LRP10: variants seen among roughly 807,000 people sequenced by gnomAD.
The protein encoded by LRP10 is low-density lipoprotein receptor-related protein 10.
LRP10 carries 42 observed loss-of-function variants against 58.5 expected under a neutral mutation model. The observed-to-expected ratio is 0.72, with a 90% CI of 0.56 to 0.93. The LOEUF (loss-of-function observed/expected upper bound fraction) is 0.93. Among genes scored for constraint, LRP10 ranks in the 40% least tolerant of loss-of-function variants. LRP10 has a pLI of 0.00. For synonymous variants in LRP10, 377 were observed against 388.5 expected (o/e 0.97, Z 0.35); for missense variants, 872 against 940.1 (o/e 0.93, Z 0.95).
Position 22,876,045 on chromosome 14 carries a change from CTGGCACCTCTGGTGCCACAG to C in LRP10, c.1098_1117del (p.Gly367LeufsTer6). The C allele has an allele frequency of 1.2e-6, 2 of 1,613,038 alleles. No homozygotes were observed. Among genetic ancestry groups the C allele is most frequent in the Non-Finnish European group, 1.7e-6 (2 of 1,179,684 alleles). On this transcript the variant is annotated frameshift_variant, in exon 5 of 7. Transcript: ENST00000359591. LOFTEE classifies it high-confidence loss of function. The stretch of plus-strand genomic sequence containing the variant: ...CCTGGACACTTCCCCTGTGGGGCTG[CTGGCACCTCTGGTGCCACAG>C]CCTGCTACCTGCCTGCTGACCGCTG...
Position 22,877,331 on chromosome 14 carries a change from C to T in LRP10, c.1946C>T (p.Ser649Leu), listed in dbSNP as rs1942963654. The T allele has an allele frequency of 6.2e-7, 1 of 1,612,292 alleles. No individual in the cohort carries two copies. The change falls in exon 7 of 7, where the codon TCA (serine) becomes TTA (leucine). Residue 649 changes from serine to leucine, a missense_variant. Physicochemically the swap from Ser to Leu is moderately radical, Grantham distance 145. Transcript: ENST00000359591. This position sits in a 1 kb window ranked among gnomAD's most constrained non-coding sequence, Gnocchi z 5.1. ...CTGCCCTCACTGCCCCTAGAGCCAT[C>T]ACTATTGTCTGGAGTGGTGCAGGCC... The part of the protein sequence containing the change: ...GPLPSLPLEP[S>L]LLSGVVQALR...
intron 2 of LRP10, chr14:22,872,995 T>C: frequency 1.6e-6 from 1 of 618,500 alleles, no homozygotes; most frequent in South Asian, 2.0e-5. Context: ...ATATCTATGC[T>C]TGATCGTCCT....
chr14:22,878,593 A>G lies in LRP10; in HGVS notation c.*1066A>G, dbSNP rs879697518. The stretch of plus-strand genomic sequence containing the variant: ...AAGGTGAGTGGAGGGAGAATTCACA[A>G]ACATTCAGGGTGTGTGGTGCTGGCA... On this transcript the variant is annotated 3_prime_UTR_variant, in exon 7 of 7. Transcript: ENST00000359591. 1 of 153,090 alleles carries G rather than the reference A, an allele frequency of 6.5e-6. No homozygotes were observed. The highest frequency in any genetic ancestry group is 1.5e-5 in the Non-Finnish European group (1 of 68,722). 9.5% of individuals were successfully genotyped at this position (153,090 alleles called of 1,614,324 possible).
rs1314019153 is a variant in LRP10 at position 22,878,591 on chromosome 14, C to T, written c.*1064C>T. 1 of 153,120 alleles carries T rather than the reference C, an allele frequency of 6.5e-6. No individual in the cohort carries two copies. Among genetic ancestry groups the T allele is most frequent in the Admixed American group, 6.5e-5 (1 of 15,416 alleles). 9.5% of individuals were successfully genotyped at this position (153,120 alleles called of 1,614,324 possible). ...CAAAGGTGAGTGGAGGGAGAATTCA[C>T]AAACATTCAGGGTGTGTGGTGCTGG... is the stretch of plus-strand genomic sequence containing the variant. On this transcript the variant is annotated 3_prime_UTR_variant, in exon 7 of 7. Transcript: ENST00000359591.
rs2039968921 is a variant in LRP10 at position 22,872,724 on chromosome 14, C to T, written c.35-14C>T. On this transcript the variant is annotated splice_polypyrimidine_tract_variant and intron_variant, in intron 1 of 6. Coordinates refer to ENST00000359591, the MANE Select transcript of LRP10 (RefSeq NM_014045.5). ...AGTGTCTCACGCTCCTGCCCTTTCT[C>T]GTTCCTCCTCTAGGAGGCGCTCTGG... 1 of 1,613,744 alleles carries T rather than the reference C, an allele frequency of 6.2e-7. No individual in the cohort carries two copies. The highest frequency in any genetic ancestry group is 1.3e-5 in the African/African-American group (1 of 74,922).
In LRP10 at chr14:22,872,755, C is replaced by G. The variant is rs748879596; in HGVS notation, c.52C>G (p.Pro18Ala). The G allele has an allele frequency of 6.8e-6, 11 of 1,614,138 alleles. No homozygotes were observed. The highest frequency in any genetic ancestry group is 3.3e-4 in the Middle Eastern group (2 of 6,054). ...TCCTCTAGGAGGCGCTCTGGCCCAT[C>G]CAGACCGGATTATTTTTCCAAATCA... Reference protein sequence around the residue: ...LLLLGGALAHPDRIIFPNHAC... With the variant: ...LLLLGGALAHADRIIFPNHAC... Residue 18 changes from proline (P) to alanine (A), a missense_variant, in exon 2 of 7, where the codon CCA (proline) becomes GCA (alanine). Physicochemically the swap from Pro to Ala is conservative, Grantham distance 27. Transcript: ENST00000359591.
In LRP10 at chr14:22,877,276, C is replaced by A. The variant is rs1215848935; in HGVS notation, c.1891C>A (p.Pro631Thr). The change falls in exon 7 of 7, where the codon CCC becomes ACC. Residue 631 changes from proline (P) to threonine (T), a missense_variant. Coordinates refer to ENST00000359591, the MANE Select transcript of LRP10 (RefSeq NM_014045.5). This position sits in a 1 kb window ranked among gnomAD's most constrained non-coding sequence, Gnocchi z 5.1. ...PLPSASTSPA[P>T]TTVPEAPGPL... Reference sequence around the variant, plus strand: ...CCCATCTGCTAGCACGTCTCCAGCCCCCACTACTGTCCCTGAAGCCCCAGG... The same window carrying A: ...CCCATCTGCTAGCACGTCTCCAGCCACCACTACTGTCCCTGAAGCCCCAGG... 1.9e-6 allele frequency: 3 copies of A among 1,611,702 alleles called. No individual in the cohort carries two copies. The highest frequency in any genetic ancestry group is 2.5e-6 in the Non-Finnish European group (3 of 1,178,732).
intron 3 of LRP10, 101 bp downstream of exon 3, chr14:22,873,547 G>A (rs1262756997): frequency 2.5e-5 from 34 of 1,351,178 alleles, no homozygotes; most frequent in Admixed American, 1.2e-4. Context: ...TTTTTGAGAC[G>A]GAGTTTCACT....
chr14:22,873,226 G>A, intron 2 of LRP10, 85 bp from the exon 3 acceptor site: 4 of 1,515,464 alleles, frequency 2.6e-6, no homozygotes, highest in East Asian at 2.3e-5. Context: ...CCAGACTTTT[G>A]GAAACCTCAA....
At chr14:22,876,869 G>GC in intron 6 of LRP10, 51 bp downstream of exon 6, 1 of 1,603,382 alleles carries the variant, frequency 6.2e-7, no homozygotes, top group Non-Finnish European at 8.5e-7. Flanking sequence ...TTCTGCTGTG[G>GC]CCCCGCCCCT....
Position 22,877,592 on chromosome 14 carries a change from T to C in LRP10, c.*65T>C. On this transcript the variant is annotated 3_prime_UTR_variant, in exon 7 of 7. Coordinates refer to ENST00000359591, the MANE Select transcript of LRP10 (RefSeq NM_014045.5). This position sits in a 1 kb window ranked among gnomAD's most constrained non-coding sequence, Gnocchi z 5.1. ...CTCTACTCATAGTGGCACAACCTTT[T>C]AGAGGTGGGTCAGCCTCCCCTCCAC... is the stretch of plus-strand genomic sequence containing the variant. 5 of 1,291,698 alleles carry C rather than the reference T, an allele frequency of 3.9e-6. No homozygotes were observed. The highest frequency in any genetic ancestry group is 1.6e-5 in the South Asian group (1 of 63,214). 80.0% of individuals were successfully genotyped at this position (1,291,698 alleles called of 1,614,324 possible).
In LRP10 at chr14:22,880,517, C is replaced by G. The variant is rs1770792984; in HGVS notation, c.*2990C>G. 6.6e-6 allele frequency: 1 copy of G among 151,374 alleles called. No individual in the cohort carries two copies. The highest frequency in any genetic ancestry group is 2.1e-4 in the South Asian group (1 of 4,784). The allele number at this position is 151,374 out of a possible 1,614,324, so 9.4% of individuals were successfully genotyped here. ...TTGAGGCCAAGAGTTCAAGAACAGC[C>G]TGGGCAACATGATGAAACCCTGTCT... On this transcript the variant is annotated 3_prime_UTR_variant, in exon 7 of 7. Transcript: ENST00000359591.
In LRP10 at chr14:22,876,073, C is replaced by A. The variant is rs1449674389; in HGVS notation, c.1125C>A (p.Tyr375Ter). 1.2e-6 allele frequency: 2 copies of A among 1,613,880 alleles called. No individual in the cohort carries two copies. Among genetic ancestry groups the A allele is most frequent in the South Asian group, 2.2e-5 (2 of 91,084 alleles). Reference sequence around the variant, plus strand: ...GCACCTCTGGTGCCACAGCCTGCTACCTGCCTGCTGACCGCTGCAACTACC... The same window carrying A: ...GCACCTCTGGTGCCACAGCCTGCTAACTGCCTGCTGACCGCTGCAACTACC... ...AAGTSGATAC[Y>*]LPADRCNYQT... The change falls in exon 5 of 7, where the codon TAC becomes TAA. Residue 375 changes from tyrosine to a stop codon, truncating the protein, a stop_gained. Coordinates refer to ENST00000359591, the MANE Select transcript of LRP10 (RefSeq NM_014045.5). LOFTEE classifies it high-confidence loss of function.
At chr14:22,872,441 C>T (rs1231983827) in intron 1 of LRP10, 104 bp downstream of exon 1, 15 of 1,379,710 alleles carry the variant, frequency 1.1e-5, no homozygotes, top group Non-Finnish European at 1.4e-5. Flanking sequence ...CCCATTCCCC[C>T]CAGCCCCTGC....
intron 1 of LRP10, 104 bp downstream of exon 1, chr14:22,872,441 C>A: frequency 7.2e-7 from 1 of 1,379,820 alleles, no homozygotes. Context: ...CCCATTCCCC[C>A]CAGCCCCTGC....
At chr14:22,872,396 T>G in intron 1 of LRP10, 59 bp downstream of exon 1, 1 of 1,598,346 alleles carries the variant, frequency 6.3e-7, no homozygotes, top group Non-Finnish European at 8.6e-7. Flanking sequence ...CAGCTCTAAC[T>G]CCCTCCAGTG....
rs2040056406 is a variant in LRP10 at position 22,881,042 on chromosome 14, C to T, written c.*3515C>T. The T allele has an allele frequency of 6.6e-6, 1 of 152,202 alleles. No homozygotes were observed. The highest frequency in any genetic ancestry group is 1.5e-5 in the Non-Finnish European group (1 of 68,054). 9.4% of individuals were successfully genotyped at this position (152,202 alleles called of 1,614,324 possible). A position where few individuals can be genotyped will look rare whatever the true frequency, so the allele number is the denominator to read the frequency against. On this transcript the variant is annotated 3_prime_UTR_variant, in exon 7 of 7. Transcript: ENST00000359591. ...AGTGAGTGCCCGATGATGCCAGATT[C>T]TTCATCACCTGAAGTGAACCCACAC... is the stretch of plus-strand genomic sequence containing the variant.
Position 22,875,090 on chromosome 14 carries a change from G to C in LRP10, c.251G>C (p.Arg84Pro). 1 of 1,606,096 alleles carries C rather than the reference G, an allele frequency of 6.2e-7. No individual in the cohort carries two copies. The highest frequency in any genetic ancestry group is 8.5e-7 in the Non-Finnish European group (1 of 1,175,890). The change falls in exon 4 of 7, where the codon CGC becomes CCC. Residue 84 changes from arginine (R) to proline (P), a missense_variant. Coordinates refer to ENST00000359591, the MANE Select transcript of LRP10 (RefSeq NM_014045.5). ...QKLHLACGSERLTLRSPLQPL... is the reference protein window; with the variant it reads ...QKLHLACGSEPLTLRSPLQPL... ...CTACACCTGGCCTGTGGCTCAGAGC[G>C]CTTAACCCTACGCTCCCCTCTCCAG... is the stretch of plus-strand genomic sequence containing the variant.
At chr14:22,872,903 CTTTA>C (rs1444779944) in intron 2 of LRP10, 121 bp downstream of exon 2, 3 of 999,772 alleles carry the variant, frequency 3.0e-6, no homozygotes, top group Non-Finnish European at 4.6e-6. Flanking sequence ...ATAATTTAGC[CTTTA>C]TTTATAGATA....
Sources: allele counts gnomAD v4.1 joint callset, GRCh38; gene constraint gnomAD v4.1.1; non-coding constraint Gnocchi (gnomAD v3.1); transcripts MANE v1.5; gene names NCBI Gene and HGNC (gene_info 2026-07-23, HGNC 2026-07-21).